The following LHFPL3 variants were observed in gnomAD, a reference collection of about 807,000 sequenced individuals.
LHFPL3 encodes the protein LHFPL tetraspan subfamily member 3 protein.
In LHFPL3, 5 loss-of-function variants were observed where a neutral mutation model predicts 19.3. The observed-to-expected ratio is 0.26, with a 90% CI of 0.14 to 0.54. The LOEUF (loss-of-function observed/expected upper bound fraction) is 0.54. Ranked by LOEUF, LHFPL3 falls within the 20% of genes least tolerant of loss-of-function variation. LHFPL3 has a pLI of 0.94. For synonymous variants in LHFPL3, 133 were observed against 126.2 expected (o/e 1.05, Z -0.36); for missense variants, 249 against 307.4 (o/e 0.81, Z 1.42).
chr7:104,523,295 A>T (rs1317477957), intron 1 of LHFPL3, among the ~76,000 whole-genome samples: 1 of 152,050 alleles, frequency 6.6e-6, no homozygotes, highest in African/African-American at 2.4e-5. Context: ...TCATGTGACA[A>T]ATTTGTCTGT....
chr7:104,353,642 G>C (rs1184823554), intron 1 of LHFPL3, among the ~76,000 whole-genome samples: 1 of 152,228 alleles, frequency 6.6e-6, no homozygotes, highest in Non-Finnish European at 1.5e-5. Context: ...AATAAGCTAT[G>C]AGCATTAGTG....
intron 2 of LHFPL3, among the ~76,000 whole-genome samples, chr7:104,835,887 T>G (rs1250988930): frequency 6.6e-6 from 1 of 151,968 alleles, no homozygotes; most frequent in Admixed American, 6.5e-5. Flanking sequence ...AAGCCCCGCA[T>G]GCATTAGGTA....
intron 1 of LHFPL3, among the ~76,000 whole-genome samples, chr7:104,486,703 A>C (rs1793243431): frequency 6.6e-6 from 1 of 152,226 alleles, no homozygotes; most frequent in South Asian, 2.1e-4. Flanking sequence ...TAAAAAATGA[A>C]CAAACTTTTG....
At chr7:104,681,425 C>T (rs1267444000) in intron 1 of LHFPL3, among the ~76,000 whole-genome samples, 2 of 152,078 alleles carry the variant, frequency 1.3e-5, no homozygotes, top group African/African-American at 4.8e-5. Context: ...AAGATCAAGA[C>T]CATCCTGGCC....
chr7:104,897,754 ATT>A (rs1792394658), intron 2 of LHFPL3, among the ~76,000 whole-genome samples: 1 of 152,198 alleles, frequency 6.6e-6, no homozygotes, highest in Non-Finnish European at 1.5e-5. Flanking sequence ...AATCCTTTCT[ATT>A]GTAAATTCCT....
At chr7:104,757,236 G>C (rs993898130) in intron 2 of LHFPL3, among the ~76,000 whole-genome samples, 17 of 152,070 alleles carry the variant, frequency 1.1e-4, no homozygotes, top group African/African-American at 4.1e-4. Flanking sequence ...TAATTGTAAG[G>C]CCTCAAACTA....
intron 1 of LHFPL3, among the ~76,000 whole-genome samples, chr7:104,618,457 G>A (rs1791387761): frequency 6.6e-6 from 1 of 152,168 alleles, no homozygotes; most frequent in Non-Finnish European, 1.5e-5. Flanking sequence ...CCAGAACCAG[G>A]ATTCAAGCCT....
rs17139574 is a variant in LHFPL3, at chr7:104,647,037, T to C, written c.446-89638T>C. 4.7e-4 allele frequency among the ~76,000 whole-genome samples: 71 copies of C among 152,342 alleles called. No homozygotes were observed. The East Asian group carries it at 0.014, about 29-fold the overall frequency. On this transcript the variant is annotated intron_variant, in intron 1 of 2. Transcript: ENST00000424859. ...ATCCCATCCTATGCCCAGTGAAAGATGTCAGTAATACCTTGGATACCCCAG... is the reference window on the plus strand; with the variant it reads ...ATCCCATCCTATGCCCAGTGAAAGACGTCAGTAATACCTTGGATACCCCAG...
At chr7:104,804,164 C>T (rs1190671138) in intron 2 of LHFPL3, 1 of 152,214 alleles carries the variant, frequency 6.6e-6, no homozygotes, top group Non-Finnish European at 1.5e-5. Context: ...TTTCCTTGCT[C>T]TTCATTGGCT....
intron 1 of LHFPL3, among the ~76,000 whole-genome samples, chr7:104,536,051 C>T (rs1309278362): frequency 6.6e-6 from 1 of 152,154 alleles, no homozygotes; most frequent in African/African-American, 2.4e-5. Context: ...GTGACCCATG[C>T]CCTCCACACC....
chr7:104,594,779 C>A (rs57446332), intron 1 of LHFPL3, among the ~76,000 whole-genome samples: 69,668 of 151,952 alleles, frequency 0.46, 16,099 homozygotes, highest in South Asian at 0.52. Flanking sequence ...TGTTTTATTT[C>A]ATTAATTTGA....
At chr7:104,708,543 A>C (rs941332447) in intron 1 of LHFPL3, among the ~76,000 whole-genome samples, 4 of 152,238 alleles carry the variant, frequency 2.6e-5, no homozygotes, top group Non-Finnish European at 5.9e-5. Flanking sequence ...TGTAAGTTCT[A>C]TTGCATATTT....
At chr7:104,608,392 A>G (rs1791145915) in intron 1 of LHFPL3, among the ~76,000 whole-genome samples, 2 of 151,378 alleles carry the variant, frequency 1.3e-5, no homozygotes, top group African/African-American at 4.9e-5. Context: ...AAACCATCAC[A>G]AGGACAAAAA....
intron 1 of LHFPL3, among the ~76,000 whole-genome samples, chr7:104,472,411 C>G (rs959503286): frequency 6.6e-6 from 1 of 152,104 alleles, no homozygotes; most frequent in Non-Finnish European, 1.5e-5. Flanking sequence ...CCTTTAAATA[C>G]TGCATGTACT....
chr7:104,763,075 A>G (rs528904220), intron 2 of LHFPL3, among the ~76,000 whole-genome samples: 1 of 152,350 alleles, frequency 6.6e-6, no homozygotes, highest in Non-Finnish European at 1.5e-5. Flanking sequence ...CAGAACTGTG[A>G]TGATGCCAAA....
chr7:104,463,729 C>T (rs188665796), intron 1 of LHFPL3, among the ~76,000 whole-genome samples: 212 of 152,294 alleles, frequency 1.4e-3, no homozygotes, highest in South Asian at 0.013. Context: ...ATCATGAGAA[C>T]AGCATGAAGG....
At chr7:104,891,443 T>C (rs1253575871) in intron 2 of LHFPL3, among the ~76,000 whole-genome samples, 1 of 152,146 alleles carries the variant, frequency 6.6e-6, no homozygotes, top group African/African-American at 2.4e-5. Context: ...CATCCCTTTA[T>C]TGGGACCCCA....
chr7:104,584,103 A>G (rs1239949809), intron 1 of LHFPL3, among the ~76,000 whole-genome samples: 2 of 152,104 alleles, frequency 1.3e-5, no homozygotes, highest in African/African-American at 4.8e-5. Flanking sequence ...TGTGGCACAT[A>G]TACACCATGG....
At chr7:104,638,022 G>A (rs779561280) in intron 1 of LHFPL3, among the ~76,000 whole-genome samples, 8 of 152,018 alleles carry the variant, frequency 5.3e-5, no homozygotes, top group African/African-American at 9.7e-5. Flanking sequence ...CTATTCATGA[G>A]CATGGTATGT....
Sources: gnomAD v4.1 joint callset for allele counts (sites outside exome capture counted in the v4.1 genomes callset) on GRCh38, gnomAD v4.1.1 for gene constraint, MANE v1.5 for transcripts, NCBI Gene and HGNC (gene_info 2026-07-23, HGNC 2026-07-21) for gene names.